TCTN2: variants seen among roughly 807,000 people sequenced by gnomAD.
TCTN2 encodes the protein tectonic family member 2.
A neutral mutation model predicts 83.4 loss-of-function variants in TCTN2; 66 were observed. The observed-to-expected ratio is 0.79, with a 90% CI of 0.65 to 0.97. The LOEUF (loss-of-function observed/expected upper bound fraction) is 0.97. Among genes scored for constraint, TCTN2 ranks in the 50% least tolerant of loss-of-function variants. The pLI is 0.00. For missense variants in TCTN2, 794 were observed against 858.1 expected, an observed-to-expected ratio of 0.93 and a Z score of 0.93; for synonymous variants, 301 against 326.7, an observed-to-expected ratio of 0.92 and a Z score of 0.85.
Position 123,696,481 on chromosome 12 carries a change from A to G in TCTN2, c.1379A>G (p.His460Arg), listed in dbSNP as rs770515038. ...AGGATGAATAATGTCACGACTTTAC[A>G]TCTTTGGCAATCGGGTAATCCGGTT... is the stretch of plus-strand genomic sequence containing the variant. ...INRMNNVTTL[H>R]LWQSAGRGLC... Residue 460 changes from histidine to arginine, a missense_variant, in exon 12 of 18, where the codon CAT becomes CGT. Physicochemically the swap from His to Arg is conservative, Grantham distance 29. Transcript: ENST00000303372. 3.1e-6 allele frequency: 5 copies of G among 1,614,106 alleles called. No individual in the cohort carries two copies. Among genetic ancestry groups the G allele is most frequent in the Non-Finnish European group, 4.2e-6 (5 of 1,179,966 alleles).
Position 123,673,705 on chromosome 12 carries a change from C to T in TCTN2, c.358C>T (p.Leu120Phe). ...TDSFSESPCI[L>F]QTLLVSASHN... ...TTCCTTCTCAGAGTCCCCCTGTATC[C>T]TCCAGACCCTTCTGGTTTCAGCATC... Residue 120 changes from leucine to phenylalanine, a missense_variant, in exon 4 of 18, where the codon CTC becomes TTC. Coordinates refer to ENST00000303372, the MANE Select transcript of TCTN2 (RefSeq NM_024809.5). The T allele has an allele frequency of 3.7e-6, 6 of 1,614,208 alleles. No homozygotes were observed. The highest frequency in any genetic ancestry group is 4.2e-6 in the Non-Finnish European group (5 of 1,180,024).
At chr12:123,694,373 C>T (rs1956082895) in intron 9 of TCTN2, among the ~76,000 whole-genome samples, 1 of 152,228 alleles carries the variant, frequency 6.6e-6, no homozygotes, top group Non-Finnish European at 1.5e-5. Flanking sequence ...AGGTGATCTG[C>T]CCACCTCGGC....
chr12:123,699,155 A>ATTTT (rs11438271), intron 13 of TCTN2, among the ~76,000 whole-genome samples: 1 of 141,808 alleles, frequency 7.1e-6, no homozygotes, highest in Non-Finnish European at 1.5e-5. Flanking sequence ...AGTTACTAAC[A>ATTTT]TTTTTTTTTT....
chr12:123,705,985 A>C (rs930206970), intron 15 of TCTN2, among the ~76,000 whole-genome samples: 2 of 151,698 alleles, frequency 1.3e-5, no homozygotes, highest in African/African-American at 4.8e-5. Flanking sequence ...TGAACTCCCA[A>C]CCTGAGGTGA....
intron 12 of TCTN2, chr12:123,696,876 A>G (rs1350600498): frequency 3.5e-6 from 2 of 568,756 alleles, no homozygotes; most frequent in Admixed American, 3.0e-5. Context: ...AGGCAGTGTC[A>G]CTTCTGAAGA....
intron 8 of TCTN2, among the ~76,000 whole-genome samples, chr12:123,691,633 T>C (rs1425446873): frequency 6.6e-6 from 1 of 152,194 alleles, no homozygotes; most frequent in East Asian, 1.9e-4. Flanking sequence ...TTTGCGTAGA[T>C]GTGTGTTTTT....
chr12:123,699,895 T>A, intron 14 of TCTN2, 85 bp downstream of exon 14: 1 of 1,040,296 alleles, frequency 9.6e-7, no homozygotes, highest in Non-Finnish European at 1.5e-6. Flanking sequence ...CCCAACCCAG[T>A]AGGTCATCTT....
At chr12:123,681,505 G>A (rs1163624160) in intron 5 of TCTN2, among the ~76,000 whole-genome samples, 1 of 152,208 alleles carries the variant, frequency 6.6e-6, no homozygotes, top group Non-Finnish European at 1.5e-5. Context: ...GTGGTCTTCA[G>A]TGACTTTCTT....
rs749102905 is a variant in TCTN2 at position 123,697,215 on chromosome 12, T to C, written c.1505+17T>C. The stretch of plus-strand genomic sequence containing the variant: ...TCAGCTCAGGTGAGTGTTTCATTGA[T>C]GAATATATCGGCAATGTGAATGGTT... On this transcript the variant is annotated intron_variant, in intron 13 of 17. Transcript: ENST00000303372. 6.5e-7 allele frequency: 1 copy of C among 1,535,666 alleles called. No homozygotes were observed. Among genetic ancestry groups the C allele is most frequent in the Non-Finnish European group, 9.0e-7 (1 of 1,108,302 alleles).
chr12:123,679,383 A>T, intron 5 of TCTN2, 94 bp downstream of exon 5: 1 of 1,170,684 alleles, frequency 8.5e-7, no homozygotes, highest in Non-Finnish European at 1.3e-6. Context: ...ATTTCTTGAG[A>T]TAGGGTCTTG....
intron 4 of TCTN2, among the ~76,000 whole-genome samples, chr12:123,674,207 T>G (rs1158611099): frequency 2.0e-5 from 3 of 152,238 alleles, no homozygotes; most frequent in Non-Finnish European, 2.9e-5. Flanking sequence ...CTCTACTGTT[T>G]GCATCTTTAT....
chr12:123,702,597 C>T (rs555617297), intron 14 of TCTN2, among the ~76,000 whole-genome samples: 21 of 152,270 alleles, frequency 1.4e-4, no homozygotes, highest in Non-Finnish European at 2.5e-4. Context: ...AGGCACTGGG[C>T]CCAGACCTAG....
At chr12:123,700,301 G>A (rs1184441125) in intron 14 of TCTN2, 6 of 270,244 alleles carry the variant, frequency 2.2e-5, no homozygotes, top group Non-Finnish European at 4.3e-5. Flanking sequence ...TTACAGGCAT[G>A]AGCCATTGCG....
chr12:123,698,020 C>T (rs116743016), intron 13 of TCTN2, among the ~76,000 whole-genome samples: 7,763 of 151,604 alleles, frequency 0.051, 641 homozygotes, highest in African/African-American at 0.18. Context: ...ATGAGTCACT[C>T]TGCTGGCCTA....
At chr12:123,673,527 A>C (rs1331451711) in intron 3 of TCTN2, 88 bp from the exon 4 acceptor site, 14 of 1,280,588 alleles carry the variant, frequency 1.1e-5, no homozygotes, top group Non-Finnish European at 1.5e-5. Flanking sequence ...ACGGAGGCTG[A>C]TGTGTACTTT....
chr12:123,679,889 A>T (rs979499672), intron 5 of TCTN2, among the ~76,000 whole-genome samples: 4 of 148,590 alleles, frequency 2.7e-5, no homozygotes, highest in African/African-American at 5.0e-5. Flanking sequence ...ACAGGCGCCC[A>T]CCACCACGCC....
rs1430178953 is a variant in TCTN2 at position 123,697,203 on chromosome 12, G to A, written c.1505+5G>A. The A allele has an allele frequency of 1.3e-6, 2 of 1,587,860 alleles. No individual in the cohort carries two copies. The highest frequency in any genetic ancestry group is 8.7e-7 in the Non-Finnish European group (1 of 1,156,066). ...TGAAAATTGTACTCAGCTCAGGTGA[G>A]TGTTTCATTGATGAATATATCGGCA... On this transcript the variant is annotated splice_donor_5th_base_variant and intron_variant, in intron 13 of 17. Coordinates refer to ENST00000303372, the MANE Select transcript of TCTN2 (RefSeq NM_024809.5).
At chr12:123,678,407 A>G (rs1170790641) in intron 4 of TCTN2, among the ~76,000 whole-genome samples, 2 of 152,232 alleles carry the variant, frequency 1.3e-5, no homozygotes. Context: ...GGTTCAGTAA[A>G]ATATATTAAG....
At chr12:123,679,395 T>C in intron 5 of TCTN2, 106 bp downstream of exon 5, 1 of 1,046,168 alleles carries the variant, frequency 9.6e-7, no homozygotes, top group South Asian at 1.3e-5. Context: ...AGGGTCTTGC[T>C]CTGTCACCCA....
Sources: gnomAD v4.1 joint callset for allele counts (sites outside exome capture counted in the v4.1 genomes callset) on GRCh38, gnomAD v4.1.1 for gene constraint, MANE v1.5 for transcripts, NCBI Gene and HGNC (gene_info 2026-07-23, HGNC 2026-07-21) for gene names.